Variants in CTNNA3 observed in about 807,000 individuals in gnomAD.
The protein encoded by CTNNA3 is catenin alpha 3, also known as catenin alpha-3.
CTNNA3 carries 76 observed loss-of-function variants against 95.7 expected under a neutral mutation model. The ratio of observed to expected loss-of-function variants is 0.79; its 90% confidence interval spans 0.66 to 0.96. CTNNA3 has a LOEUF of 0.96. Among genes scored for constraint, CTNNA3 ranks in the 40% least tolerant of loss-of-function variants. CTNNA3 has a pLI of 0.00. For missense variants in CTNNA3, 1,191 were observed against 1,089.8 expected (o/e 1.09, Z -1.31); for synonymous variants, 431 against 374.4 (o/e 1.15, Z -1.74).
intron 3 of CTNNA3, among the ~76,000 whole-genome samples, chr10:67,585,092 C>A (rs544875993): frequency 6.6e-6 from 1 of 152,156 alleles, no homozygotes; most frequent in Non-Finnish European, 1.5e-5. Context: ...CCCAGTGAGA[C>A]GAACCTGGTA....
chr10:67,391,142 T>A (rs562069467), intron 5 of CTNNA3, among the ~76,000 whole-genome samples: 2 of 152,158 alleles, frequency 1.3e-5, no homozygotes, highest in East Asian at 3.9e-4. Context: ...GACATGATTG[T>A]ATATCTAGAA....
intron 17 of CTNNA3, among the ~76,000 whole-genome samples, chr10:65,942,814 A>C (rs1240240908): frequency 6.6e-6 from 1 of 152,072 alleles, no homozygotes; most frequent in East Asian, 1.9e-4. Context: ...GAATAAAAAA[A>C]CCTAGATTTA....
intron 5 of CTNNA3, among the ~76,000 whole-genome samples, chr10:67,233,122 G>C (rs1452036266): frequency 2.0e-5 from 3 of 152,118 alleles, no homozygotes; most frequent in African/African-American, 7.2e-5. Flanking sequence ...AGTCAACAAA[G>C]ATATCCAGGA....
In CTNNA3 at chr10:65,917,815, G is replaced by A. The variant is rs1172960114; in HGVS notation, c.*2515C>T. 1.3e-5 allele frequency: 2 copies of A among 148,308 alleles called. No individual in the cohort carries two copies. The highest frequency in any genetic ancestry group is 4.9e-5 in the African/African-American group (2 of 40,430). 9.2% of individuals were successfully genotyped at this position (148,308 alleles called of 1,614,324 possible). ...CATGCTGATTAGTTTTTAACATAAT[G>A]GGGAGATTTATTCATATCTTGCTGC... On this transcript the variant is annotated 3_prime_UTR_variant, in exon 18 of 18. Transcript: ENST00000433211.
intron 9 of CTNNA3, among the ~76,000 whole-genome samples, chr10:66,664,268 C>T (rs1391692733): frequency 6.6e-6 from 1 of 152,066 alleles, no homozygotes; most frequent in Non-Finnish European, 1.5e-5. Flanking sequence ...GATACTCTTG[C>T]CCTGTCACAT....
chr10:66,860,990 T>C (rs889216434), intron 7 of CTNNA3, among the ~76,000 whole-genome samples: 3 of 152,168 alleles, frequency 2.0e-5, no homozygotes, highest in African/African-American at 7.2e-5. Context: ...TCCTCTCTCA[T>C]GGGGGAGGCC....
intron 11 of CTNNA3, among the ~76,000 whole-genome samples, chr10:66,409,485 G>A (rs1021394865): frequency 1.3e-5 from 2 of 152,114 alleles, no homozygotes; most frequent in Non-Finnish European, 2.9e-5. Flanking sequence ...GGGAAACCAG[G>A]AGAGATAATA....
intron 12 of CTNNA3, among the ~76,000 whole-genome samples, chr10:66,282,384 A>G (rs2132164322): frequency 6.6e-6 from 1 of 151,890 alleles, no homozygotes; most frequent in East Asian, 1.9e-4. Flanking sequence ...CATCTCAAAC[A>G]TATTCTATCT....
Position 66,412,706 on chromosome 10 carries a change from G to A in CTNNA3, c.1532-33354C>T, listed in dbSNP as rs527321922. On this transcript the variant is annotated intron_variant, in intron 11 of 17. Coordinates refer to ENST00000433211, the MANE Select transcript of CTNNA3 (RefSeq NM_013266.4). ...GATCTCCCGACCTTGTGATCTGCCC[G>A]CTTCGGCCTCCCAAAGTGCTGGGAT... 7.2e-5 allele frequency among the ~76,000 whole-genome samples: 11 copies of A among 151,920 alleles called. 1 individual carries two copies. The highest frequency in any genetic ancestry group is 5.9e-4 in the Admixed American group (9 of 15,232).
intron 7 of CTNNA3, among the ~76,000 whole-genome samples, chr10:66,966,992 T>C (rs1051150574): frequency 6.6e-6 from 1 of 152,086 alleles, no homozygotes; most frequent in Non-Finnish European, 1.5e-5. Context: ...ATTTGATATA[T>C]GCTATTGCAA....
chr10:66,103,110 C>A (rs2081715795), intron 14 of CTNNA3, 47 bp downstream of exon 14: 1 of 1,486,328 alleles, frequency 6.7e-7, no homozygotes, highest in Admixed American at 1.7e-5. Context: ...AGGGCACAGC[C>A]TTCAGTGACA....
intron 9 of CTNNA3, among the ~76,000 whole-genome samples, chr10:66,688,470 G>A (rs1451397298): frequency 6.6e-6 from 1 of 151,956 alleles, no homozygotes; most frequent in East Asian, 1.9e-4. Flanking sequence ...CAACATTCCC[G>A]TAACTAGTCC....
Position 66,630,578 on chromosome 10 carries a change from A to T in CTNNA3, c.1282-8794T>A, listed in dbSNP as rs568538631. On this transcript the variant is annotated intron_variant, in intron 9 of 17. Coordinates refer to ENST00000433211, the MANE Select transcript of CTNNA3 (RefSeq NM_013266.4). ...GCAAGTGTGGCAGATGGAAAGAGGC[A>T]CAGTAACTTCCATAGACAAATCCAA... Among the ~76,000 whole-genome samples, 3 of 152,298 alleles carry T rather than the reference A, an allele frequency of 2.0e-5. No homozygotes were observed. The East Asian group carries it at 5.8e-4, about 29-fold the overall frequency.
At chr10:66,013,541 T>A (rs1431300066) in intron 15 of CTNNA3, among the ~76,000 whole-genome samples, 2 of 152,186 alleles carry the variant, frequency 1.3e-5, no homozygotes, top group African/African-American at 4.8e-5. Flanking sequence ...CACACTAGTA[T>A]TTTGCTAACG....
chr10:66,605,914 C>T (rs1245069121), intron 10 of CTNNA3, among the ~76,000 whole-genome samples: 3 of 152,200 alleles, frequency 2.0e-5, no homozygotes, highest in South Asian at 2.1e-4. Flanking sequence ...GCACGCTAAC[C>T]ACCTAACATC....
Position 66,926,506 on chromosome 10 carries a change from A to G in CTNNA3, c.1048-150982T>C. ...AGCGAGCCCTGACTCACTACAGTGC[A>G]GCTGACAGGGGCTGTCATGCAACTG... On this transcript the variant is annotated intron_variant, in intron 7 of 17. Coordinates refer to ENST00000433211, the MANE Select transcript of CTNNA3 (RefSeq NM_013266.4). 4.5e-6 allele frequency: 7 copies of G among 1,544,286 alleles called. No homozygotes were observed. The South Asian group carries it at 7.9e-5, about 17-fold the overall frequency.
In CTNNA3 at chr10:66,024,477, T is replaced by G. The variant is rs562612863; in HGVS notation, c.2160-35680A>C. Among the ~76,000 whole-genome samples the G allele has an allele frequency of 5.3e-5, 8 of 152,332 alleles. No individual in the cohort carries two copies. The South Asian group carries it at 1.7e-3, about 32-fold the overall frequency. On this transcript the variant is annotated intron_variant, in intron 15 of 17. Transcript: ENST00000433211. ...TAATGGTTTGAAAATGTCCATACTT[T>G]GTTGTATGACCGTTTAACAAAATGT...
intron 7 of CTNNA3, among the ~76,000 whole-genome samples, chr10:67,044,115 C>T (rs1006067034): frequency 2.0e-5 from 3 of 151,828 alleles, no homozygotes; most frequent in African/African-American, 7.3e-5. Context: ...CCCAACTAGT[C>T]GCCAGTGTCT....
intron 15 of CTNNA3, among the ~76,000 whole-genome samples, chr10:66,046,769 T>C (rs1225236064): frequency 1.3e-5 from 2 of 151,744 alleles, no homozygotes; most frequent in Non-Finnish European, 2.9e-5. Flanking sequence ...TAAACACAAC[T>C]ATAAGTGATA....
Sources: allele counts gnomAD v4.1 joint callset (sites outside exome capture counted in the v4.1 genomes callset), GRCh38; gene constraint gnomAD v4.1.1; transcripts MANE v1.5; gene names NCBI Gene and HGNC (gene_info 2026-07-23, HGNC 2026-07-21).